Variants in PTPRG observed in about 807,000 individuals in gnomAD.
PTPRG encodes receptor-type tyrosine-protein phosphatase gamma.
Under a neutral mutation model 165.3 loss-of-function variants are expected in PTPRG, and 102 were observed. The observed-to-expected ratio is 0.62, with a 90% CI of 0.53 to 0.73. The LOEUF is 0.73. Among genes scored for constraint, PTPRG ranks in the 30% least tolerant of loss-of-function variants. The pLI is 0.00. For missense variants in PTPRG, 1,866 were observed against 1,861.4 expected (o/e 1.00, Z -0.05); for synonymous variants, 675 against 669.5 (o/e 1.01, Z -0.13).
rs869306841 is a variant in PTPRG at position 62,218,853 on chromosome 3, GA to G, written c.2165del (p.Asn722ThrfsTer5). On this transcript the variant is annotated frameshift_variant, in exon 13 of 30. Coordinates refer to ENST00000474889, the MANE Select transcript of PTPRG (RefSeq NM_002841.4). LOFTEE classifies it high-confidence loss of function. ...DSRFITVNPA[E>X]KNTSGMISRP... ...ACTGGGATGATTTCTCTTGGCAGCG[GA>G]AAAAAACACCTCTGGAATGATAAGC... 2 of 1,611,962 alleles carry G rather than the reference GA, an allele frequency of 1.2e-6. No individual in the cohort carries two copies. Among genetic ancestry groups the G allele is most frequent in the Non-Finnish European group, 1.7e-6 (2 of 1,179,192 alleles).
At position 62,282,748 on chromosome 3, in the gene PTPRG, C is replaced by T. The variant is rs754335459; in HGVS notation, c.3934C>T (p.Arg1312Trp). 40 of 1,611,478 alleles carry T rather than the reference C, an allele frequency of 2.5e-5. No individual in the cohort carries two copies. Among genetic ancestry groups the T allele is most frequent in the Admixed American group, 3.4e-5 (2 of 59,556 alleles). Residue 1312 changes from arginine to tryptophan, a missense_variant, in exon 28 of 30, where the codon CGG becomes TGG. Transcript: ENST00000474889. ...ACAGGATGACTATGTCTTAGAAGTT[C>T]GGCACTTTCAGTGTCCCAAATGGCC... Reference protein sequence around the residue: ...ATQDDYVLEVRHFQCPKWPNP... With the variant: ...ATQDDYVLEVWHFQCPKWPNP...
chr3:61,819,721 C>T (rs1428131395), intron 2 of PTPRG, among the ~76,000 whole-genome samples: 1 of 152,006 alleles, frequency 6.6e-6, no homozygotes, highest in Non-Finnish European at 1.5e-5. Context: ...GCAAAACAGA[C>T]AAAATCCATA....
At chr3:61,862,412 G>T (rs1041118846) in intron 2 of PTPRG, among the ~76,000 whole-genome samples, 1 of 136,202 alleles carries the variant, frequency 7.3e-6, no homozygotes, top group Non-Finnish European at 1.5e-5. Context: ...ATGGAATTCC[G>T]CTGTTGTTGC....
At position 62,282,763 on chromosome 3, in the gene PTPRG, C is replaced by T. The variant is rs1702501730; in HGVS notation, c.3949C>T (p.Pro1317Ser). 6.2e-7 allele frequency: 1 copy of T among 1,612,340 alleles called. No homozygotes were observed. Among genetic ancestry groups the T allele is most frequent in the African/African-American group, 1.3e-5 (1 of 74,754 alleles). The change falls in exon 28 of 30, where the codon CCC (proline) becomes TCC (serine). Residue 1317 changes from proline (P) to serine (S), a missense_variant. This residue lies in a region of PTPRG where 1,452 missense variants were observed against 1,463.0 expected (regional missense o/e 0.99). Coordinates refer to ENST00000474889, the MANE Select transcript of PTPRG (RefSeq NM_002841.4). Reference sequence around the variant, plus strand: ...CTTAGAAGTTCGGCACTTTCAGTGTCCCAAATGGCCTAACCCAGATGCCCC... The same window carrying T: ...CTTAGAAGTTCGGCACTTTCAGTGTTCCAAATGGCCTAACCCAGATGCCCC... ...YVLEVRHFQC[P>S]KWPNPDAPIS...
intron 3 of PTPRG, among the ~76,000 whole-genome samples, chr3:61,995,276 A>G (rs1338950523): frequency 3.3e-5 from 5 of 151,596 alleles, no homozygotes; most frequent in Non-Finnish European, 5.9e-5. Flanking sequence ...TTTAGTAGAA[A>G]CAGGGTTTCT....
chr3:62,167,980 T>A lies in PTPRG; in HGVS notation c.850T>A (p.Phe284Ile). The change falls in exon 8 of 30, where the codon TTT becomes ATT. Residue 284 changes from phenylalanine (F) to isoleucine (I), a missense_variant. By Grantham distance (21) the Phe-to-Ile change is conservative. This residue lies in a region of PTPRG where 408 missense variants were observed against 376.2 expected (regional missense o/e 1.08). Transcript: ENST00000474889. ...CTGGTCCTCTGTTCAGCTTGAGGCT[T>A]TTTATTCCATCTTCACCACGGAGCA... Reference protein sequence around the residue: ...VPISYHQLEAFYSIFTTEQQD... With the variant: ...VPISYHQLEAIYSIFTTEQQD... The A allele has an allele frequency of 6.2e-7, 1 of 1,613,328 alleles. No individual in the cohort carries two copies. Among genetic ancestry groups the A allele is most frequent in the Non-Finnish European group, 8.5e-7 (1 of 1,179,560 alleles).
At chr3:62,183,156 TG>T (rs1311443964) in intron 8 of PTPRG, among the ~76,000 whole-genome samples, 1 of 152,194 alleles carries the variant, frequency 6.6e-6, no homozygotes, top group African/African-American at 2.4e-5. Flanking sequence ...ACAAGGGTAA[TG>T]ATAGAGCCAG....
At chr3:61,920,381 AT>A (rs566979079) in intron 2 of PTPRG, among the ~76,000 whole-genome samples, 2 of 152,066 alleles carry the variant, frequency 1.3e-5, no homozygotes, top group East Asian at 1.9e-4. Flanking sequence ...TTTGAAGTAG[AT>A]TTTTTTTAAG....
chr3:62,179,897 C>T (rs1559610900), intron 8 of PTPRG, among the ~76,000 whole-genome samples: 1 of 152,206 alleles, frequency 6.6e-6, no homozygotes, highest in Non-Finnish European at 1.5e-5. Context: ...CATTGGAGTT[C>T]ATCCTACCAC....
intron 4 of PTPRG, among the ~76,000 whole-genome samples, chr3:62,035,098 C>T (rs1357479734): frequency 6.6e-6 from 1 of 151,948 alleles, no homozygotes; most frequent in Non-Finnish European, 1.5e-5. Flanking sequence ...ATGGCAAAAC[C>T]CTCCAGTAAA....
At chr3:62,049,722 C>A (rs983740728) in intron 4 of PTPRG, among the ~76,000 whole-genome samples, 3 of 152,160 alleles carry the variant, frequency 2.0e-5, no homozygotes, top group Admixed American at 6.6e-5. Context: ...TTGTGCAGTA[C>A]TCACCCTGCG....
At chr3:61,579,162 T>A (rs1168012767) in intron 1 of PTPRG, among the ~76,000 whole-genome samples, 1 of 152,214 alleles carries the variant, frequency 6.6e-6, no homozygotes, top group Non-Finnish European at 1.5e-5. Context: ...AGACTAGTCC[T>A]TCAGACCTTT....
At chr3:62,293,073 C>T (rs1702957338) in intron 29 of PTPRG, 88 bp from the exon 30 acceptor site, 2 of 1,171,404 alleles carry the variant, frequency 1.7e-6, no homozygotes, top group South Asian at 2.0e-5. Flanking sequence ...GTGTGTTTTT[C>T]ACAATTACCA....
intron 1 of PTPRG, among the ~76,000 whole-genome samples, chr3:61,614,485 C>A (rs1701254593): frequency 7.3e-6 from 1 of 137,688 alleles, no homozygotes; most frequent in Non-Finnish European, 1.5e-5. Context: ...TCTCGGCTCA[C>A]TGCAACCTCT....
intron 1 of PTPRG, among the ~76,000 whole-genome samples, chr3:61,660,868 G>A (rs1247813374): frequency 3.3e-5 from 5 of 152,094 alleles, no homozygotes; most frequent in African/African-American, 9.7e-5. Context: ...GGGCGTGGTG[G>A]TGCACACCTT....
chr3:62,024,415 G>A (rs1394792815), intron 4 of PTPRG, among the ~76,000 whole-genome samples: 1 of 151,244 alleles, frequency 6.6e-6, no homozygotes, highest in Non-Finnish European at 1.5e-5. Flanking sequence ...TAAAGAAAAA[G>A]GAATAGAGCA....
In PTPRG at chr3:62,199,718, A is replaced by G. The variant is rs542530463; in HGVS notation, c.1328-1787A>G. Among the ~76,000 whole-genome samples the G allele has an allele frequency of 2.7e-4, 41 of 152,332 alleles. 1 individual carries two copies. Among genetic ancestry groups the G allele is most frequent in the Admixed American group, 2.5e-3 (38 of 15,304 alleles). ...CATTTTCGCTAATCTCTCAGTGTATATAGGAAGCAGCTTTTCAGTTTATAT... is the reference window on the plus strand; with the variant it reads ...CATTTTCGCTAATCTCTCAGTGTATGTAGGAAGCAGCTTTTCAGTTTATAT... On this transcript the variant is annotated intron_variant, in intron 10 of 29. Transcript: ENST00000474889.
In PTPRG at chr3:62,273,824, C is replaced by G. The variant is rs1559743760; in HGVS notation, c.3445C>G (p.Arg1149Gly). Residue 1149 changes from arginine (R) to glycine (G), a missense_variant, in exon 23 of 30, where the codon CGA (arginine) becomes GGA (glycine). Coordinates refer to ENST00000474889, the MANE Select transcript of PTPRG (RefSeq NM_002841.4). The surrounding 1 kb of genome is among the most constrained non-coding windows in gnomAD (Gnocchi z 4.1). ...TATACCAGGAGTAGGAGGAAAGACACGACTGGAAAAGCAATTCAAGGTAGT... is the reference window on the plus strand; with the variant it reads ...TATACCAGGAGTAGGAGGAAAGACAGGACTGGAAAAGCAATTCAAGGTAGT... Reference protein sequence around the residue: ...ILIPGVGGKTRLEKQFKLVTQ... With the variant: ...ILIPGVGGKTGLEKQFKLVTQ... 6.2e-7 allele frequency: 1 copy of G among 1,613,630 alleles called. No individual in the cohort carries two copies. Among genetic ancestry groups the G allele is most frequent in the Non-Finnish European group, 8.5e-7 (1 of 1,179,730 alleles).
intron 2 of PTPRG, among the ~76,000 whole-genome samples, chr3:61,802,682 A>G (rs1207046826): frequency 6.6e-6 from 1 of 151,958 alleles, no homozygotes; most frequent in Non-Finnish European, 1.5e-5. Context: ...CTGGGTAGAA[A>G]TGCACATTTT....
Sources: allele counts gnomAD v4.1 joint callset (sites outside exome capture counted in the v4.1 genomes callset), GRCh38; gene constraint gnomAD v4.1.1; regional missense constraint gnomAD v4.1.1; non-coding constraint Gnocchi (gnomAD v3.1); transcripts MANE v1.5; gene names NCBI Gene and HGNC (gene_info 2026-07-23, HGNC 2026-07-21).